The following CLSTN2 variants were observed in gnomAD, a reference collection of about 807,000 sequenced individuals.
The protein encoded by CLSTN2 is calsyntenin-2.
A neutral mutation model predicts 101.2 loss-of-function variants in CLSTN2; 48 were observed. The observed-to-expected ratio is 0.47, with a 90% CI of 0.38 to 0.60. CLSTN2 has a LOEUF of 0.60. CLSTN2 is among the 20% of genes least tolerant of loss of function. The pLI is 0.00. For synonymous variants in CLSTN2, 481 were observed against 463.6 expected, an observed-to-expected ratio of 1.04 and a Z score of -0.48; for missense variants, 1,160 against 1,238.2, an observed-to-expected ratio of 0.94 and a Z score of 0.95.
intron 2 of CLSTN2, among the ~76,000 whole-genome samples, chr3:140,199,679 A>T (rs796477446): frequency 3.3e-5 from 5 of 152,320 alleles, no homozygotes; most frequent in African/African-American, 1.2e-4. Flanking sequence ...CTTGACTGAT[A>T]CAGCTGGCCT....
chr3:140,315,737 A>G (rs1353212593), intron 2 of CLSTN2, among the ~76,000 whole-genome samples: 2 of 152,188 alleles, frequency 1.3e-5, no homozygotes, highest in Non-Finnish European at 2.9e-5. Context: ...GGAGGACCCA[A>G]ATGCCTTTTC....
intron 2 of CLSTN2, among the ~76,000 whole-genome samples, chr3:140,223,101 T>C (rs1049600391): frequency 6.6e-6 from 1 of 152,110 alleles, no homozygotes; most frequent in South Asian, 2.1e-4. Flanking sequence ...CCATACTGAA[T>C]TGAGATAATG....
At position 140,563,215 on chromosome 3, in the gene CLSTN2, A is replaced by C. The variant is rs765720980; in HGVS notation, c.2482+12A>C. 28 of 1,613,060 alleles carry C rather than the reference A, an allele frequency of 1.7e-5. No homozygotes were observed. In the Middle Eastern group the frequency reaches 8.3e-4, roughly 48 times the overall value. On this transcript the variant is annotated intron_variant, in intron 15 of 16. Transcript: ENST00000458420. ...CCAGCACAGTTCAGGTAGGGTGCCC[A>C]AGAGGAGGGACCCTCAGGACACAGG...
chr3:140,165,197 A>G (rs183809928), intron 1 of CLSTN2, among the ~76,000 whole-genome samples: 226 of 152,326 alleles, frequency 1.5e-3, no homozygotes, highest in African/African-American at 4.9e-3. Flanking sequence ...CAAGTAATAT[A>G]GGTTGTCTCT....
At chr3:140,286,595 C>T (rs2086897884) in intron 2 of CLSTN2, among the ~76,000 whole-genome samples, 1 of 152,220 alleles carries the variant, frequency 6.6e-6, no homozygotes, top group Non-Finnish European at 1.5e-5. Flanking sequence ...CACTCTGCCT[C>T]CCTCCTCAGC....
chr3:140,380,526 A>C (rs1422464562), intron 2 of CLSTN2, among the ~76,000 whole-genome samples: 1 of 152,268 alleles, frequency 6.6e-6, no homozygotes, highest in Non-Finnish European at 1.5e-5. Flanking sequence ...GGAAACATTG[A>C]CAATTATTTT....
At chr3:140,395,634 G>A (rs2088173164) in intron 2 of CLSTN2, among the ~76,000 whole-genome samples, 1 of 152,198 alleles carries the variant, frequency 6.6e-6, no homozygotes, top group South Asian at 2.1e-4. Flanking sequence ...CATCTGAAGT[G>A]GGAGGGTTTA....
chr3:140,565,296 TAAGGTAG>T (rs1936005320), intron 16 of CLSTN2, among the ~76,000 whole-genome samples: 1 of 151,898 alleles, frequency 6.6e-6, no homozygotes, highest in Non-Finnish European at 1.5e-5. Flanking sequence ...GGATTTGGGG[TAAGGTAG>T]AAGGTAGGAG....
intron 1 of CLSTN2, among the ~76,000 whole-genome samples, chr3:140,010,442 G>C (rs563908415): frequency 2.1e-4 from 32 of 152,290 alleles, no homozygotes; most frequent in South Asian, 1.9e-3. Context: ...GGCCTGCCTT[G>C]TTGTCTGGCA....
At chr3:140,340,265 C>T (rs868824842) in intron 2 of CLSTN2, among the ~76,000 whole-genome samples, 2 of 152,196 alleles carry the variant, frequency 1.3e-5, no homozygotes, top group Admixed American at 6.5e-5. Context: ...TAATGTACTT[C>T]GTACATATAC....
chr3:140,557,114 T>C (rs1374061610), intron 11 of CLSTN2: 1 of 154,494 alleles, frequency 6.5e-6, no homozygotes, highest in African/African-American at 2.4e-5. Context: ...GCATGGTTCT[T>C]GTTTCCAAGG....
intron 1 of CLSTN2, among the ~76,000 whole-genome samples, chr3:140,007,598 A>G (rs1262332282): frequency 6.6e-6 from 1 of 152,202 alleles, no homozygotes; most frequent in Non-Finnish European, 1.5e-5. Context: ...TGGTTTAAAT[A>G]ATGCTGGGGA....
intron 1 of CLSTN2, among the ~76,000 whole-genome samples, chr3:140,112,211 G>T (rs1176211669): frequency 6.6e-6 from 1 of 152,174 alleles, no homozygotes; most frequent in East Asian, 1.9e-4. Flanking sequence ...TTCTGTGAGG[G>T]GGTGGCACTG....
At chr3:140,410,288 A>G (rs978567839) in intron 4 of CLSTN2, among the ~76,000 whole-genome samples, 4 of 152,016 alleles carry the variant, frequency 2.6e-5, no homozygotes, top group African/African-American at 9.7e-5. Context: ...GAATTTTGAA[A>G]GCAGCAAAAG....
At chr3:140,516,678 C>T (rs1339132085) in intron 8 of CLSTN2, among the ~76,000 whole-genome samples, 3 of 152,090 alleles carry the variant, frequency 2.0e-5, no homozygotes, top group Non-Finnish European at 4.4e-5. Context: ...GGGCCCCAAT[C>T]CCTTCCAGCT....
At chr3:140,194,070 A>G (rs1459644164) in intron 2 of CLSTN2, among the ~76,000 whole-genome samples, 1 of 152,152 alleles carries the variant, frequency 6.6e-6, no homozygotes, top group Non-Finnish European at 1.5e-5. Context: ...AATTGACCAT[A>G]CATGTGTTTT....
chr3:140,528,200 C>T (rs1378707683), intron 8 of CLSTN2, among the ~76,000 whole-genome samples: 1 of 152,158 alleles, frequency 6.6e-6, no homozygotes, highest in African/African-American at 2.4e-5. Context: ...ATAGGAAAAG[C>T]TGCTTCAATA....
chr3:140,119,496 A>G (rs941672195), intron 1 of CLSTN2, among the ~76,000 whole-genome samples: 4 of 152,150 alleles, frequency 2.6e-5, no homozygotes, highest in African/African-American at 4.8e-5. Flanking sequence ...AATGTATGGG[A>G]GGCAGCAGGG....
intron 2 of CLSTN2, among the ~76,000 whole-genome samples, chr3:140,213,583 C>A (rs1468000792): frequency 3.3e-5 from 5 of 152,218 alleles, no homozygotes; most frequent in African/African-American, 1.2e-4. Context: ...GCCCAAGAAG[C>A]AGAGCTGAAT....
Sources: allele counts gnomAD v4.1 joint callset (sites outside exome capture counted in the v4.1 genomes callset), GRCh38; gene constraint gnomAD v4.1.1; transcripts MANE v1.5; gene names NCBI Gene and HGNC (gene_info 2026-07-23, HGNC 2026-07-21).